TADA2B: variants seen among roughly 807,000 people sequenced by gnomAD.
The protein encoded by TADA2B is transcriptional adapter 2-beta.
Under a neutral mutation model 34.5 loss-of-function variants are expected in TADA2B, and 13 were observed. The ratio of observed to expected loss-of-function variants is 0.38; its 90% CI spans 0.25 to 0.60. TADA2B has a LOEUF of 0.60. Ranked by LOEUF, TADA2B falls within the 20% of genes least tolerant of loss-of-function variation. The pLI is 0.65. For missense variants in TADA2B, 442 were observed against 575.0 expected, an observed-to-expected ratio of 0.77 and a Z score of 2.37; for synonymous variants, 240 against 243.4, an observed-to-expected ratio of 0.99 and a Z score of 0.13.
intron 1 of TADA2B, among the ~76,000 whole-genome samples, chr4:7,048,629 C>G (rs893473675): frequency 6.6e-6 from 1 of 152,126 alleles, no homozygotes; most frequent in African/African-American, 2.4e-5. Context: ...TTTTAAGTGT[C>G]TGGAAGCATT....
At chr4:7,043,949 C>T (rs1002792615) in intron 1 of TADA2B, 100 bp downstream of exon 1, 56 of 1,333,388 alleles carry the variant, frequency 4.2e-5, no homozygotes, top group Non-Finnish European at 5.3e-5. Context: ...TGCTCGCTCG[C>T]TCCGCACCCC....
At position 7,054,852 on chromosome 4, in the gene TADA2B, G is replaced by A; in HGVS notation, c.1061G>A (p.Arg354His). 3 of 1,613,898 alleles carry A rather than the reference G, an allele frequency of 1.9e-6. No homozygotes were observed. Among genetic ancestry groups the A allele is most frequent in the Non-Finnish European group, 1.7e-6 (2 of 1,179,868 alleles). The change falls in exon 2 of 2, where the codon CGC (arginine) becomes CAC (histidine). Residue 354 changes from arginine (R) to histidine (H), a missense_variant. By Grantham distance (29) the Arg-to-His change is conservative (BLOSUM62 0). Coordinates refer to ENST00000310074, the MANE Select transcript of TADA2B (RefSeq NM_152293.3). ...CCAGGCTTCGAGCTCCTGTCAGATCGCGAGAAGGTGCTCTGCAGCTCTTTA... is the reference window on the plus strand; with the variant it reads ...CCAGGCTTCGAGCTCCTGTCAGATCACGAGAAGGTGCTCTGCAGCTCTTTA... The part of the protein sequence containing the change: ...NLPGFELLSD[R>H]EKVLCSSLNL...
At position 7,055,200 on chromosome 4, in the gene TADA2B, T is replaced by A; in HGVS notation, c.*146T>A. ...AAGATAGAAATTCTTTTCATGGTCCTCTGAAAGAAGCAATAGTAACAATCT... is the reference window on the plus strand; with the variant it reads ...AAGATAGAAATTCTTTTCATGGTCCACTGAAAGAAGCAATAGTAACAATCT... On this transcript the variant is annotated 3_prime_UTR_variant, in exon 2 of 2. Transcript: ENST00000310074. The A allele has an allele frequency of 1.2e-6, 1 of 829,028 alleles. No homozygotes were observed. Among genetic ancestry groups the A allele is most frequent in the Non-Finnish European group, 1.9e-6 (1 of 539,794 alleles). 51.4% of individuals were successfully genotyped at this position (829,028 alleles called of 1,614,324 possible). A position where few individuals can be genotyped will look rare whatever the true frequency, so the allele number is the denominator to read the frequency against.
rs1723897597 is a variant in TADA2B at position 7,056,605 on chromosome 4, A to T, written c.*1551A>T. The T allele has an allele frequency of 6.6e-6, 1 of 152,166 alleles. No individual in the cohort carries two copies. Among genetic ancestry groups the T allele is most frequent in the African/African-American group, 2.4e-5 (1 of 41,440 alleles). The allele number at this position is 152,166 out of a possible 1,614,324, so 9.4% of individuals were successfully genotyped here. A position where few individuals can be genotyped will look rare whatever the true frequency, so the allele number is the denominator to read the frequency against. On this transcript the variant is annotated 3_prime_UTR_variant, in exon 2 of 2. Coordinates refer to ENST00000310074, the MANE Select transcript of TADA2B (RefSeq NM_152293.3). ...ACATCCTACTGTCCCTTAGGGTAAA[A>T]TTTTCAGCATTAAATAAAACATTTC...
At position 7,054,559 on chromosome 4, in the gene TADA2B, C is replaced by G. The variant is rs1417108038; in HGVS notation, c.768C>G (p.Arg256=). The G allele has an allele frequency of 6.2e-7, 1 of 1,613,764 alleles. No individual in the cohort carries two copies. Among genetic ancestry groups the G allele is most frequent in the African/African-American group, 1.3e-5 (1 of 74,940 alleles). Residue 256 remains arginine (R), a synonymous_variant, in exon 2 of 2, where the codon CGC becomes CGG. Transcript: ENST00000310074. ...RKITKEEKEL[R]LKLRPLYQFM... is the part of the protein sequence containing the mutation. Reference sequence around the variant, plus strand: ...TCACCAAGGAGGAGAAGGAGCTGCGCCTGAAGCTGAGGCCGCTGTACCAGT... The same window carrying G: ...TCACCAAGGAGGAGAAGGAGCTGCGGCTGAAGCTGAGGCCGCTGTACCAGT...
In TADA2B at chr4:7,055,802, T is replaced by G. The variant is rs1723876966; in HGVS notation, c.*748T>G. The G allele has an allele frequency of 6.6e-6, 1 of 152,196 alleles. No individual in the cohort carries two copies. Among genetic ancestry groups the G allele is most frequent in the South Asian group, 2.1e-4 (1 of 4,830 alleles). 9.4% of individuals were successfully genotyped at this position (152,196 alleles called of 1,614,324 possible). On this transcript the variant is annotated 3_prime_UTR_variant, in exon 2 of 2. Coordinates refer to ENST00000310074, the MANE Select transcript of TADA2B (RefSeq NM_152293.3). ...GTAGAGCCGTGCCTCTTGGGCAGGC[T>G]CCCATAGTGACCACGTCCCCACGAA...
At chr4:7,053,964 C>G in intron 1 of TADA2B, 98 bp from the exon 2 acceptor site, 1 of 1,384,714 alleles carries the variant, frequency 7.2e-7, no homozygotes, top group East Asian at 2.5e-5. Context: ...GTAGGAAGTA[C>G]TCTAGGTCAG....
chr4:7,044,091 C>T (rs1723556679), intron 1 of TADA2B, among the ~76,000 whole-genome samples: 1 of 152,280 alleles, frequency 6.6e-6, no homozygotes, highest in Non-Finnish European at 1.5e-5. Flanking sequence ...GCTTTGAACG[C>T]TGGCTTCTGA....
rs1291287129 is a variant in TADA2B at position 7,057,676 on chromosome 4, A to C, written c.*2622A>C. 2.0e-5 allele frequency: 3 copies of C among 152,200 alleles called. No individual in the cohort carries two copies. Among genetic ancestry groups the C allele is most frequent in the Admixed American group, 6.5e-5 (1 of 15,268 alleles). The allele number at this position is 152,200 out of a possible 1,614,324, so 9.4% of individuals were successfully genotyped here. ...GTGGTGCATGCCTGTAGTCCCAGCT[A>C]CTTGGGAGGCTGAGGTAGGAGAATT... On this transcript the variant is annotated 3_prime_UTR_variant, in exon 2 of 2. Coordinates refer to ENST00000310074, the MANE Select transcript of TADA2B (RefSeq NM_152293.3).
Position 7,054,194 on chromosome 4 carries a change from C to A in TADA2B, c.403C>A (p.His135Asn). Residue 135 changes from histidine to asparagine, a missense_variant, in exon 2 of 2, where the codon CAC becomes AAC. His to Asn is a moderately conservative substitution (Grantham distance 68, BLOSUM62 1). Transcript: ENST00000310074. Reference protein sequence around the residue: ...PDTIPNRVTDHTCPSGGPLSP... With the variant: ...PDTIPNRVTDNTCPSGGPLSP... ...CACCATCCCCAACCGCGTGACAGAC[C>A]ACACCTGTCCCAGCGGAGGCCCCCT... 1.2e-6 allele frequency: 2 copies of A among 1,606,888 alleles called. No individual in the cohort carries two copies. The highest frequency in any genetic ancestry group is 1.7e-6 in the Non-Finnish European group (2 of 1,176,830).
intron 1 of TADA2B, among the ~76,000 whole-genome samples, chr4:7,045,481 T>G (rs1468396445): frequency 1.3e-5 from 2 of 152,230 alleles, no homozygotes; most frequent in African/African-American, 4.8e-5. Flanking sequence ...TGGCTTTTAC[T>G]TCAATTAAGG....
rs1330191672 is a variant in TADA2B at position 7,054,369 on chromosome 4, A to G, written c.578A>G (p.Asp193Gly). Residue 193 changes from aspartate (D) to glycine (G), a missense_variant, in exon 2 of 2, where the codon GAT becomes GGT. Transcript: ENST00000310074. ...ATCAGCGGGCTCTCTGTCAACTATG[A>G]TGACGACGACGTGGAGATCGAGCTG... The part of the protein sequence containing the change: ...TLISGLSVNY[D>G]DDDVEIELKR... The G allele has an allele frequency of 6.2e-7, 1 of 1,613,592 alleles. No individual in the cohort carries two copies. Among genetic ancestry groups the G allele is most frequent in the South Asian group, 1.1e-5 (1 of 91,088 alleles).
At chr4:7,051,305 G>A (rs1384210110) in intron 1 of TADA2B, among the ~76,000 whole-genome samples, 2 of 152,170 alleles carry the variant, frequency 1.3e-5, no homozygotes, top group Non-Finnish European at 2.9e-5. Flanking sequence ...GGCCGCACCT[G>A]CCTCCTCACT....
rs933610430 is a variant in TADA2B at position 7,055,791 on chromosome 4, C to T, written c.*737C>T. ...GTTCACTTTGGGTAGAGCCGTGCCTCTTGGGCAGGCTCCCATAGTGACCAC... is the reference window on the plus strand; with the variant it reads ...GTTCACTTTGGGTAGAGCCGTGCCTTTTGGGCAGGCTCCCATAGTGACCAC... On this transcript the variant is annotated 3_prime_UTR_variant, in exon 2 of 2. Coordinates refer to ENST00000310074, the MANE Select transcript of TADA2B (RefSeq NM_152293.3). The T allele has an allele frequency of 3.3e-5, 5 of 152,238 alleles. No homozygotes were observed. The highest frequency in any genetic ancestry group is 1.9e-4 in the East Asian group (1 of 5,186). 9.4% of individuals were successfully genotyped at this position (152,238 alleles called of 1,614,324 possible). A position where few individuals can be genotyped will look rare whatever the true frequency, so the allele number is the denominator to read the frequency against.
intron 1 of TADA2B, among the ~76,000 whole-genome samples, chr4:7,048,474 G>A (rs1389720236): frequency 6.6e-6 from 1 of 152,218 alleles, no homozygotes; most frequent in Admixed American, 6.5e-5. Context: ...TGCTGCTGAT[G>A]CGGCCGCCGT....
chr4:7,049,117 C>T (rs551231122), intron 1 of TADA2B, among the ~76,000 whole-genome samples: 40 of 152,118 alleles, frequency 2.6e-4, no homozygotes, highest in Admixed American at 1.5e-3. Context: ...TTCGCTCTAT[C>T]GCCCAGGCTG....
chr4:7,054,139 C>T lies in TADA2B; in HGVS notation c.348C>T (p.His116=), dbSNP rs758158661. ...VMEHYVSMYI[H]GNLGKACIPD... is the part of the protein sequence containing the mutation. ...AGCATTACGTGAGCATGTACATCCA[C>T]GGGAACCTGGGGAAGGCCTGCATCC... Residue 116 remains histidine (H), a synonymous_variant, in exon 2 of 2, where the codon CAC becomes CAT. Coordinates refer to ENST00000310074, the MANE Select transcript of TADA2B (RefSeq NM_152293.3). 1.4e-5 allele frequency: 23 copies of T among 1,604,166 alleles called. No homozygotes were observed. Among genetic ancestry groups the T allele is most frequent in the African/African-American group, 5.4e-5 (4 of 74,688 alleles).
chr4:7,048,809 G>A (rs1723698141), intron 1 of TADA2B, among the ~76,000 whole-genome samples: 2 of 152,050 alleles, frequency 1.3e-5, no homozygotes, highest in Non-Finnish European at 1.5e-5. Context: ...TCAAATGCGT[G>A]GGTCCTGCAG....
chr4:7,043,513 C>CGGGGCGCTGACGGCCG lies in TADA2B; in HGVS notation c.-59_-44dup. 1.1e-6 allele frequency: 1 copy of CGGGGCGCTGACGGCCG among 946,666 alleles called. No homozygotes were observed. The allele number at this position is 946,666 out of a possible 1,614,324, so 58.6% of individuals were successfully genotyped here. A position where few individuals can be genotyped will look rare whatever the true frequency, so the allele number is the denominator to read the frequency against. ...CGGCGGCGGCGGGTCCCGCGGGCGGCGGGGCGCTGACGGCCGGGGGCGCGG... is the reference window on the plus strand; with the variant it reads ...CGGCGGCGGCGGGTCCCGCGGGCGGCGGGGCGCTGACGGCCGGGGGCGCTGACGGCCGGGGGCGCGG... On this transcript the variant is annotated 5_prime_UTR_variant, in exon 1 of 2. Transcript: ENST00000310074.
Sources: gnomAD v4.1 joint callset for allele counts (sites outside exome capture counted in the v4.1 genomes callset) on GRCh38, gnomAD v4.1.1 for gene constraint, MANE v1.5 for transcripts, NCBI Gene and HGNC (gene_info 2026-07-23, HGNC 2026-07-21) for gene names.